CAMKK1: variants seen among roughly 807,000 people sequenced by gnomAD.
CAMKK1 encodes the protein calcium/calmodulin-dependent protein kinase kinase 1.
Under a neutral mutation model 63.5 loss-of-function variants are expected in CAMKK1, and 20 were observed. The ratio of observed to expected loss-of-function variants is 0.32; its 90% CI spans 0.22 to 0.46. CAMKK1 has a LOEUF of 0.46. Among genes scored for constraint, CAMKK1 ranks in the 20% least tolerant of loss-of-function variants. The pLI is 1.00. For missense variants in CAMKK1, 588 were observed against 658.1 expected, an observed-to-expected ratio of 0.89 and a Z score of 1.17; for synonymous variants, 253 against 269.0, an observed-to-expected ratio of 0.94 and a Z score of 0.58.
At chr17:3,874,230 C>T (rs1200080520) in intron 10 of CAMKK1, among the ~76,000 whole-genome samples, 1 of 152,126 alleles carries the variant, frequency 6.6e-6, no homozygotes, top group African/African-American at 2.4e-5. Context: ...GGCCAAGGCC[C>T]TCTTCCAGAT....
Position 3,882,317 on chromosome 17 carries a change from G to T in CAMKK1, c.685+211C>A. 2.5e-6 allele frequency: 4 copies of T among 1,614,138 alleles called. No homozygotes were observed. The highest frequency in any genetic ancestry group is 2.2e-5 in the South Asian group (2 of 91,080). On this transcript the variant is annotated intron_variant, in intron 7 of 15. Transcript: ENST00000348335. The surrounding 1 kb of genome is among the most constrained non-coding windows in gnomAD (Gnocchi z 4.3). Reference sequence around the variant, plus strand: ...TGCTCAGAGGGAAGCAGGGAGTGGGGCTTGGCGATATTTGTTGAATCTAAC... The same window carrying T: ...TGCTCAGAGGGAAGCAGGGAGTGGGTCTTGGCGATATTTGTTGAATCTAAC...
chr17:3,885,678 C>A lies in CAMKK1; in HGVS notation c.10G>T (p.Gly4Cys). 6.2e-7 allele frequency: 1 copy of A among 1,612,922 alleles called. No homozygotes were observed. The highest frequency in any genetic ancestry group is 2.2e-5 in the East Asian group (1 of 44,888). The change falls in exon 2 of 16, where the codon GGT (glycine) becomes TGT (cysteine). Residue 4 changes from glycine (G) to cysteine (C), a missense_variant. Gly to Cys is a radical substitution (Grantham distance 159). Coordinates refer to ENST00000348335, the MANE Select transcript of CAMKK1 (RefSeq NM_032294.3). MEG[G>C]PAVCCQDPRA... ...GGATCCTGGCAGCAGACAGCTGGACCCCCCTCCATTGCTTCAGTCAAGGGG... is the reference window on the plus strand; with the variant it reads ...GGATCCTGGCAGCAGACAGCTGGACACCCCTCCATTGCTTCAGTCAAGGGG...
chr17:3,891,660 C>G (rs186605587), intron 1 of CAMKK1, among the ~76,000 whole-genome samples: 3 of 152,304 alleles, frequency 2.0e-5, no homozygotes, highest in Admixed American at 2.0e-4. Context: ...AGAAAGCCCC[C>G]TCACTCATTG....
intron 14 of CAMKK1, among the ~76,000 whole-genome samples, chr17:3,866,744 G>C (rs1276129237): frequency 6.6e-6 from 1 of 151,148 alleles, no homozygotes; most frequent in Non-Finnish European, 1.5e-5. Flanking sequence ...TTCAGACGGA[G>C]TTTTGCTCTT....
Position 3,884,470 on chromosome 17 carries a change from G to A in CAMKK1, c.361-43C>T. ...GCACCAGGTGGAGCTGGGTCCGGAG[G>A]CAGCACTGCTCCTACCTCAGAGCCC... is the stretch of plus-strand genomic sequence containing the variant. On this transcript the variant is annotated intron_variant, in intron 2 of 15. Transcript: ENST00000348335. This position sits in a 1 kb window ranked among gnomAD's most constrained non-coding sequence, Gnocchi z 4.5. 6.3e-7 allele frequency: 1 copy of A among 1,591,968 alleles called. No homozygotes were observed. Among genetic ancestry groups the A allele is most frequent in the Non-Finnish European group, 8.6e-7 (1 of 1,162,508 alleles).
chr17:3,886,607 G>A (rs546682704), intron 1 of CAMKK1, among the ~76,000 whole-genome samples: 14 of 152,258 alleles, frequency 9.2e-5, no homozygotes, highest in Non-Finnish European at 1.9e-4. Context: ...ACTCCAGCCT[G>A]GGTGACGGAG....
chr17:3,864,879 G>A (rs1347775146), intron 15 of CAMKK1, among the ~76,000 whole-genome samples: 1 of 152,216 alleles, frequency 6.6e-6, no homozygotes, highest in African/African-American at 2.4e-5. Context: ...TCTTATGAGA[G>A]GGAGGCCTCA....
At position 3,884,606 on chromosome 17, in the gene CAMKK1, G is replaced by A. The variant is rs942557426; in HGVS notation, c.361-179C>T. ...TGGTGCCATCGCCCCCGTATGTGACGAGAAGACGTGGCTCATGTTTGAAAA... is the reference window on the plus strand; with the variant it reads ...TGGTGCCATCGCCCCCGTATGTGACAAGAAGACGTGGCTCATGTTTGAAAA... On this transcript the variant is annotated intron_variant, in intron 2 of 15. Transcript: ENST00000348335. The surrounding 1 kb of genome is among the most constrained non-coding windows in gnomAD (Gnocchi z 4.5). Among the ~76,000 whole-genome samples, 11 of 152,230 alleles carry A rather than the reference G, an allele frequency of 7.2e-5. No homozygotes were observed. The highest frequency in any genetic ancestry group is 1.3e-4 in the Non-Finnish European group (9 of 68,040).
rs2055860410 is a variant in CAMKK1 at position 3,890,565 on chromosome 17, T to C, written c.-44+2374A>G. The C allele has an allele frequency of 9.3e-6, 7 of 755,650 alleles. No homozygotes were observed. The Admixed American group carries it at 1.2e-4, about 13-fold the overall frequency. 46.8% of individuals were successfully genotyped at this position (755,650 alleles called of 1,614,324 possible). A position where few individuals can be genotyped will look rare whatever the true frequency, so the allele number is the denominator to read the frequency against. On this transcript the variant is annotated intron_variant, in intron 1 of 15. Coordinates refer to ENST00000348335, the MANE Select transcript of CAMKK1 (RefSeq NM_032294.3). This position sits in a 1 kb window ranked among gnomAD's most constrained non-coding sequence, Gnocchi z 6.5. ...CCCCAAACCTGCTCGTCCTCCTCTG[T>C]CTCCATTGCGAGACGGGTACCACAC... is the stretch of plus-strand genomic sequence containing the variant.
chr17:3,883,978 C>T lies in CAMKK1; in HGVS notation c.409-41G>A, dbSNP rs2055532005. The T allele has an allele frequency of 1.9e-6, 3 of 1,604,962 alleles. No individual in the cohort carries two copies. The East Asian group carries it at 6.7e-5, about 36-fold the overall frequency. On this transcript the variant is annotated intron_variant, in intron 3 of 15. Transcript: ENST00000348335. This position sits in a 1 kb window ranked among gnomAD's most constrained non-coding sequence, Gnocchi z 4.7. ...AGTCAGCCCCACCTGGACAGGGCAA[C>T]CCCTCCCAGGACCAGCTCAGGAGGT...
chr17:3,867,010 T>C (rs779337203), intron 14 of CAMKK1, among the ~76,000 whole-genome samples: 4 of 152,212 alleles, frequency 2.6e-5, no homozygotes, highest in Admixed American at 6.5e-5. Context: ...CGTGAGCCAC[T>C]GCGCCCAGCC....
Position 3,869,193 on chromosome 17 carries a change from G to A in CAMKK1, c.1341+294C>T, listed in dbSNP as rs531209433. Among the ~76,000 whole-genome samples, 29 of 151,868 alleles carry A rather than the reference G, an allele frequency of 1.9e-4. No homozygotes were observed. The East Asian group carries it at 4.5e-3, about 23-fold the overall frequency. ...AGGATGGTCTCGATCTCCTGACCTCGTGATCTGCCCGCCTTGGCCTCCCAA... is the reference window on the plus strand; with the variant it reads ...AGGATGGTCTCGATCTCCTGACCTCATGATCTGCCCGCCTTGGCCTCCCAA... On this transcript the variant is annotated intron_variant, in intron 14 of 15. Transcript: ENST00000348335.
In CAMKK1 at chr17:3,882,172, C is replaced by T; in HGVS notation, c.685+356G>A. 1 of 890,224 alleles carries T rather than the reference C, an allele frequency of 1.1e-6. No individual in the cohort carries two copies. Among genetic ancestry groups the T allele is most frequent in the South Asian group, 1.6e-5 (1 of 63,294 alleles). 55.1% of individuals were successfully genotyped at this position (890,224 alleles called of 1,614,324 possible). On this transcript the variant is annotated intron_variant, in intron 7 of 15. Coordinates refer to ENST00000348335, the MANE Select transcript of CAMKK1 (RefSeq NM_032294.3). The surrounding 1 kb of genome is among the most constrained non-coding windows in gnomAD (Gnocchi z 4.3). ...CAGGAACCCTATGAGGTAGACACCA[C>T]TAGTATCCCTGTTTTATAGGTGGGA...
chr17:3,875,521 A>C (rs2055109934), intron 10 of CAMKK1, among the ~76,000 whole-genome samples: 1 of 151,802 alleles, frequency 6.6e-6, no homozygotes, highest in African/African-American at 2.4e-5. Flanking sequence ...TCCTAGCCTT[A>C]AGAGATCCAC....
At chr17:3,865,273 C>T (rs2054473639) in intron 15 of CAMKK1, 12 of 986,432 alleles carry the variant, frequency 1.2e-5, no homozygotes, top group South Asian at 9.4e-5. Flanking sequence ...AACCCACAGG[C>T]GTGGCTCACC....
chr17:3,873,403 A>G lies in CAMKK1; in HGVS notation c.1050+6T>C. 6 of 1,610,106 alleles carry G rather than the reference A, an allele frequency of 3.7e-6. No individual in the cohort carries two copies. The highest frequency in any genetic ancestry group is 5.1e-6 in the Non-Finnish European group (6 of 1,176,520). ...CCCCAGCTCTGCTGGCATCCCTGGCACTCACCTTCCCATAGACAAAGCAGT... is the reference window on the plus strand; with the variant it reads ...CCCCAGCTCTGCTGGCATCCCTGGCGCTCACCTTCCCATAGACAAAGCAGT... On this transcript the variant is annotated splice_donor_region_variant and intron_variant, in intron 11 of 15. Coordinates refer to ENST00000348335, the MANE Select transcript of CAMKK1 (RefSeq NM_032294.3).
chr17:3,867,364 G>A (rs943967302), intron 14 of CAMKK1, among the ~76,000 whole-genome samples: 1 of 152,170 alleles, frequency 6.6e-6, no homozygotes, highest in Non-Finnish European at 1.5e-5. Flanking sequence ...CACGAGCCCC[G>A]CAGAAAAACA....
chr17:3,876,407 A>T lies in CAMKK1; in HGVS notation c.812T>A (p.Ile271Asn). The T allele has an allele frequency of 6.2e-7, 1 of 1,614,082 alleles. No homozygotes were observed. The highest frequency in any genetic ancestry group is 8.5e-7 in the Non-Finnish European group (1 of 1,179,968). ...GGATGGCTTGATGTCCCTGTGGACG[A>T]TCTTCTGGCAGTGCACTGCAGAGAA... ...LGLEYLHCQK[I>N]VHRDIKPSNL... The change falls in exon 10 of 16, where the codon ATC becomes AAC. Residue 271 changes from isoleucine to asparagine, a missense_variant. Physicochemically the swap from Ile to Asn is moderately radical, Grantham distance 149 (BLOSUM62 -3). Around this residue, in one of 3 missense-constraint regions of CAMKK1, gnomAD observed 357 missense variants for 407.4 expected, o/e 0.88. Transcript: ENST00000348335.
At position 3,860,410 on chromosome 17, in the gene CAMKK1, A is replaced by G. The variant is rs1204590441; in HGVS notation, c.*1801T>C. Reference sequence around the variant, plus strand: ...TAAAACACTCTTATAGAGTTTGCTCATCGCTTGTGCTACATTCAAAAACAA... The same window carrying G: ...TAAAACACTCTTATAGAGTTTGCTCGTCGCTTGTGCTACATTCAAAAACAA... On this transcript the variant is annotated 3_prime_UTR_variant, in exon 16 of 16. Transcript: ENST00000348335. The G allele has an allele frequency of 6.6e-6, 1 of 152,510 alleles. No individual in the cohort carries two copies. Among genetic ancestry groups the G allele is most frequent in the Non-Finnish European group, 1.5e-5 (1 of 68,026 alleles). The allele number at this position is 152,510 out of a possible 1,614,324, so 9.4% of individuals were successfully genotyped here.
Sources: allele counts gnomAD v4.1 joint callset (sites outside exome capture counted in the v4.1 genomes callset), GRCh38; gene constraint gnomAD v4.1.1; regional missense constraint gnomAD v4.1.1; non-coding constraint Gnocchi (gnomAD v3.1); transcripts MANE v1.5; gene names NCBI Gene and HGNC (gene_info 2026-07-23, HGNC 2026-07-21).